UBASH3A: variants seen among roughly 807,000 people sequenced by gnomAD.
UBASH3A encodes ubiquitin associated and SH3 domain containing A.
UBASH3A carries 63 observed loss-of-function variants against 73.5 expected under a neutral mutation model. The ratio of observed to expected loss-of-function variants is 0.86; its 90% CI spans 0.70 to 1.06. UBASH3A has a LOEUF of 1.06. UBASH3A is among the 50% of genes least tolerant of loss of function. The probability of loss-of-function intolerance (pLI) is 0.00; values close to 1 mark genes in which losing one functional copy is unlikely to be tolerated. For synonymous variants in UBASH3A, 363 were observed against 351.1 expected (o/e 1.03, Z -0.38); for missense variants, 860 against 859.0 (o/e 1.00, Z -0.02).
intron 2 of UBASH3A, among the ~76,000 whole-genome samples, chr21:42,408,468 T>C (rs1021427118): frequency 1.3e-5 from 2 of 152,212 alleles, no homozygotes. Flanking sequence ...TCGGGAGAAA[T>C]TTCTGGAAGT....
chr21:42,406,428 T>C, intron 2 of UBASH3A, 67 bp downstream of exon 2: 1 of 1,366,088 alleles, frequency 7.3e-7, no homozygotes, highest in Non-Finnish European at 1.0e-6. Flanking sequence ...AAGGACTCCC[T>C]CCCACCAGGG....
At chr21:42,425,124 A>G (rs1017634846) in intron 7 of UBASH3A, among the ~76,000 whole-genome samples, 3 of 152,246 alleles carry the variant, frequency 2.0e-5, no homozygotes, top group Non-Finnish European at 2.9e-5. Flanking sequence ...CCCAGATGGC[A>G]GCTATGTCCT....
intron 13 of UBASH3A, 90 bp from the exon 14 acceptor site, chr21:42,444,444 G>C: frequency 1.0e-6 from 1 of 965,712 alleles, no homozygotes; most frequent in Non-Finnish European, 1.7e-6. Context: ...CTCTGAGATA[G>C]CTCTGCCCCC....
At chr21:42,411,706 G>A (rs1269751565) in intron 3 of UBASH3A, among the ~76,000 whole-genome samples, 1 of 152,228 alleles carries the variant, frequency 6.6e-6, no homozygotes, top group Non-Finnish European at 1.5e-5. Context: ...GCAGAAGAGT[G>A]TAACGGAGAC....
chr21:42,442,706 T>C (rs2053769067), intron 12 of UBASH3A, 110 bp downstream of exon 12: 3 of 1,214,718 alleles, frequency 2.5e-6, no homozygotes, highest in Non-Finnish European at 3.4e-6. Context: ...GAGGGACCAC[T>C]GCAGTGGGGT....
At chr21:42,421,983 A>G in intron 7 of UBASH3A, among the ~76,000 whole-genome samples, 1 of 152,212 alleles carries the variant, frequency 6.6e-6, no homozygotes, top group South Asian at 2.1e-4. Flanking sequence ...AGATTTGGTG[A>G]CTATGGCTGA....
chr21:42,412,889 C>T (rs945741873), intron 3 of UBASH3A, 135 bp from the exon 4 acceptor site: 49 of 782,250 alleles, frequency 6.3e-5, no homozygotes, highest in East Asian at 4.4e-4. Context: ...CACAAAGGGA[C>T]GCAATAAATT....
At chr21:42,430,629 G>A (rs905755678) in intron 8 of UBASH3A, among the ~76,000 whole-genome samples, 1 of 152,138 alleles carries the variant, frequency 6.6e-6, no homozygotes, top group Non-Finnish European at 1.5e-5. Context: ...TCCCCAGAAG[G>A]CCCCACAGCC....
chr21:42,414,045 G>A (rs1265595846), intron 5 of UBASH3A, among the ~76,000 whole-genome samples: 1 of 152,142 alleles, frequency 6.6e-6, no homozygotes, highest in African/African-American at 2.4e-5. Context: ...AACAATGAGG[G>A]CTCTCACTCT....
In UBASH3A at chr21:42,444,619, G is replaced by C; in HGVS notation, c.1824G>C (p.Gly608=). The change falls in exon 14 of 15, where the codon GGG becomes GGC. Residue 608 remains glycine (G), a synonymous_variant. Coordinates refer to ENST00000319294, the MANE Select transcript of UBASH3A (RefSeq NM_018961.4). ...PLLGLPPREC[G]DFAQLVRKIP... is the part of the protein sequence containing the mutation. ...TCGGGCTGCCGCCCCGGGAATGTGG[G>C]GATTTTGCCCAACTCGTGAGAAAGG... 6.2e-7 allele frequency: 1 copy of C among 1,614,174 alleles called. No homozygotes were observed. Among genetic ancestry groups the C allele is most frequent in the South Asian group, 1.1e-5 (1 of 91,088 alleles).
Position 42,407,737 on chromosome 21 carries a change from C to A in UBASH3A, c.167+1376C>A, listed in dbSNP as rs555079551. ...CTTGGCAATATGCACAGCCCACCAGCCTCCGTCGTGCGTCTAAGCAGATTC... is the reference window on the plus strand; with the variant it reads ...CTTGGCAATATGCACAGCCCACCAGACTCCGTCGTGCGTCTAAGCAGATTC... On this transcript the variant is annotated intron_variant, in intron 2 of 14. Transcript: ENST00000319294. 3.4e-3 allele frequency among the ~76,000 whole-genome samples: 517 copies of A among 152,320 alleles called. 2 individuals carry two copies. The highest frequency in any genetic ancestry group is 0.031 in the Middle Eastern group (9 of 294).
intron 1 of UBASH3A, 93 bp from the exon 2 acceptor site, chr21:42,406,215 A>C: frequency 9.6e-7 from 1 of 1,037,144 alleles, no homozygotes; most frequent in Non-Finnish European, 1.5e-6. Flanking sequence ...CACCCCCCAA[A>C]GATCCTGGGT....
chr21:42,434,051 G>C (rs1018269440), intron 9 of UBASH3A, among the ~76,000 whole-genome samples: 29 of 152,134 alleles, frequency 1.9e-4, no homozygotes, highest in Non-Finnish European at 4.1e-4. Flanking sequence ...GGTGTCCTGT[G>C]TGAGGATAAT....
At chr21:42,430,355 C>T (rs549545092) in intron 8 of UBASH3A, among the ~76,000 whole-genome samples, 1 of 152,320 alleles carries the variant, frequency 6.6e-6, no homozygotes, top group South Asian at 2.1e-4. Flanking sequence ...GCATTTTCCT[C>T]TCTAGGATTT....
At chr21:42,404,729 C>A (rs1023528037) in intron 1 of UBASH3A, among the ~76,000 whole-genome samples, 1 of 152,168 alleles carries the variant, frequency 6.6e-6, no homozygotes, top group African/African-American at 2.4e-5. Context: ...CCACGCTGCC[C>A]GGGGAAAGTC....
chr21:42,437,218 T>C (rs2053640403), intron 10 of UBASH3A, among the ~76,000 whole-genome samples: 2 of 152,238 alleles, frequency 1.3e-5, no homozygotes, highest in Non-Finnish European at 2.9e-5. Flanking sequence ...TGGCTGGAGA[T>C]AATCACTGCT....
intron 1 of UBASH3A, among the ~76,000 whole-genome samples, chr21:42,405,028 A>G (rs1274315490): frequency 6.6e-6 from 1 of 152,198 alleles, no homozygotes; most frequent in Non-Finnish European, 1.5e-5. Context: ...ACATGGAAAA[A>G]TGTATCAGAA....
chr21:42,413,109 C>T lies in UBASH3A; in HGVS notation c.440C>T (p.Pro147Leu), dbSNP rs2053134848. Residue 147 changes from proline to leucine, a missense_variant, in exon 4 of 15, where the codon CCT becomes CTT. By Grantham distance (98) the Pro-to-Leu change is moderately conservative. Transcript: ENST00000319294. The surrounding 1 kb of genome is among the most constrained non-coding windows in gnomAD (Gnocchi z 4.5). The part of the protein sequence containing the change: ...RLLGSFPTAV[P>L]LALHSSISYL... ...CTGGGCTCCTTCCCCACGGCCGTGC[C>T]TCTGGCTCTCCACTCCTCCATCAGC... 4 of 1,614,244 alleles carry T rather than the reference C, an allele frequency of 2.5e-6. No homozygotes were observed. The highest frequency in any genetic ancestry group is 1.6e-4 in the Middle Eastern group (1 of 6,062).
intron 8 of UBASH3A, among the ~76,000 whole-genome samples, chr21:42,429,088 G>T (rs2053487576): frequency 6.6e-6 from 1 of 152,224 alleles, no homozygotes; most frequent in Non-Finnish European, 1.5e-5. Context: ...TGATACAGCA[G>T]CAGAGGAGGC....
Sources: gnomAD v4.1 joint callset for allele counts (sites outside exome capture counted in the v4.1 genomes callset) on GRCh38, gnomAD v4.1.1 for gene constraint, Gnocchi (gnomAD v3.1) non-coding constraint, MANE v1.5 for transcripts, NCBI Gene and HGNC (gene_info 2026-07-23, HGNC 2026-07-21) for gene names.